Variants in ST6GAL2 observed in about 807,000 individuals in gnomAD.
ST6GAL2 encodes the protein beta-galactoside alpha-2,6-sialyltransferase 2.
A neutral mutation model predicts 37.5 loss-of-function variants in ST6GAL2; 24 were observed. That is an observed-to-expected ratio of 0.64 (90% confidence interval 0.46 to 0.90). The LOEUF is 0.90. Among genes scored for constraint, ST6GAL2 ranks in the 40% least tolerant of loss-of-function variants. The probability of loss-of-function intolerance (pLI) is 0.00; values close to 1 mark genes in which losing one functional copy is unlikely to be tolerated. For synonymous variants in ST6GAL2, 306 were observed against 295.1 expected, an observed-to-expected ratio of 1.04 and a Z score of -0.38; for missense variants, 715 against 712.7, an observed-to-expected ratio of 1.00 and a Z score of -0.04.
chr2:106,821,460 G>A (rs1676001455), intron 5 of ST6GAL2, among the ~76,000 whole-genome samples: 1 of 151,584 alleles, frequency 6.6e-6, no homozygotes, highest in Admixed American at 6.6e-5. Context: ...AATCTAGTAA[G>A]ATTGAGTTAT....
intron 1 of ST6GAL2, among the ~76,000 whole-genome samples, chr2:106,852,394 T>A (rs1042541265): frequency 1.3e-5 from 2 of 152,206 alleles, no homozygotes; most frequent in Non-Finnish European, 2.9e-5. Flanking sequence ...GCCGACCCAG[T>A]GACCTCGCTT....
intron 1 of ST6GAL2, among the ~76,000 whole-genome samples, chr2:106,848,114 G>T (rs572414037): frequency 6.8e-6 from 1 of 147,278 alleles, no homozygotes; most frequent in African/African-American, 2.5e-5. Flanking sequence ...GCACGATCTT[G>T]TCTCATGGCA....
In ST6GAL2 at chr2:106,830,144, T is replaced by C. The variant is rs139141184; in HGVS notation, c.1240A>G (p.Ile414Val). The change falls in exon 5 of 6, where the codon ATA becomes GTA. Residue 414 changes from isoleucine (I) to valine (V), a missense_variant. Ile to Val is a conservative substitution (Grantham distance 29). This residue lies in a region of ST6GAL2 where 198 missense variants were observed against 203.6 expected (regional missense o/e 0.97). Transcript: ENST00000409382. ...TGGATAATATCCCAGAGCTGCCATA[T>C]AAATTTAGGATGAAGAATGTAAAAT... ...QPFYILHPKF[I>V]WQLWDIIQEN... 7.9e-5 allele frequency: 127 copies of C among 1,614,044 alleles called. No individual in the cohort carries two copies. The African/African-American group carries it at 1.7e-3, about 21-fold the overall frequency.
chr2:106,867,279 T>C (rs1030764848), intron 1 of ST6GAL2, among the ~76,000 whole-genome samples: 3 of 152,200 alleles, frequency 2.0e-5, no homozygotes, highest in Non-Finnish European at 4.4e-5. Flanking sequence ...TTTGACCCCA[T>C]TTTATTCAGC....
chr2:106,826,341 C>T (rs931406956), intron 5 of ST6GAL2, among the ~76,000 whole-genome samples: 5 of 152,078 alleles, frequency 3.3e-5, no homozygotes, highest in African/African-American at 9.7e-5. Flanking sequence ...AGAGTTGGCA[C>T]TTCACATGTT....
At chr2:106,814,888 G>C (rs1264331572) in intron 5 of ST6GAL2, among the ~76,000 whole-genome samples, 1 of 152,168 alleles carries the variant, frequency 6.6e-6, no homozygotes, top group Non-Finnish European at 1.5e-5. Context: ...ATCTGACTAG[G>C]GATGAAAGAG....
intron 1 of ST6GAL2, among the ~76,000 whole-genome samples, chr2:106,863,443 G>A (rs754936709): frequency 6.6e-6 from 1 of 152,156 alleles, no homozygotes; most frequent in Non-Finnish European, 1.5e-5. Flanking sequence ...ACACTGTAAA[G>A]CGTGTAGAAT....
At chr2:106,837,377 C>A (rs1268251148) in intron 2 of ST6GAL2, among the ~76,000 whole-genome samples, 1 of 152,180 alleles carries the variant, frequency 6.6e-6, no homozygotes, top group East Asian at 1.9e-4. Context: ...CTGTCTCATG[C>A]ATCATTCATT....
At chr2:106,885,345 A>G (rs1678935261) in intron 1 of ST6GAL2, among the ~76,000 whole-genome samples, 1 of 152,178 alleles carries the variant, frequency 6.6e-6, no homozygotes. Flanking sequence ...CTTTCCCCCC[A>G]AAAGTGCTTC....
At chr2:106,836,997 G>A (rs1028988909) in intron 2 of ST6GAL2, among the ~76,000 whole-genome samples, 1 of 150,304 alleles carries the variant, frequency 6.7e-6, no homozygotes, top group Non-Finnish European at 1.5e-5. Context: ...TATCACCATG[G>A]AGTTCCCCAG....
intron 5 of ST6GAL2, among the ~76,000 whole-genome samples, chr2:106,810,990 A>G (rs1364001130): frequency 1.4e-5 from 2 of 147,346 alleles, no homozygotes; most frequent in Non-Finnish European, 3.0e-5. Context: ...AGTAATAATA[A>G]AACTGTGTAA....
At position 106,851,670 on chromosome 2, in the gene ST6GAL2, CTTT is replaced by C. The variant is rs5833214; in HGVS notation, c.-57-7639_-57-7637del. ...TCTTGACTGGAGAGTGTTTTTCTTT[CTTT>C]TTTTTTTTTTTTTCACATTTTGATT... is the stretch of plus-strand genomic sequence containing the variant. On this transcript the variant is annotated intron_variant, in intron 1 of 5. Transcript: ENST00000409382. Among the ~76,000 whole-genome samples the C allele has an allele frequency of 2.4e-4, 33 of 135,832 alleles. No individual in the cohort carries two copies. In the East Asian group the frequency reaches 3.1e-3, roughly 13 times the overall value. The allele number at this position is 135,832 out of a possible 152,430, so 89.1% of individuals were successfully genotyped here.
At position 106,802,911 on chromosome 2, in the gene ST6GAL2, A is replaced by C. The variant is rs1675305082; in HGVS notation, c.*3767T>G. The C allele has an allele frequency of 6.6e-6, 1 of 152,158 alleles. No individual in the cohort carries two copies. The highest frequency in any genetic ancestry group is 2.4e-5 in the African/African-American group (1 of 41,442). The allele number at this position is 152,158 out of a possible 1,614,324, so 9.4% of individuals were successfully genotyped here. On this transcript the variant is annotated 3_prime_UTR_variant, in exon 6 of 6. Coordinates refer to ENST00000409382, the MANE Select transcript of ST6GAL2 (RefSeq NM_001142351.2). ...GTACTGTGTGTTGATCTATAAGAAA[A>C]ACTGGAGAGAGAACTTGAATCATGG...
At chr2:106,885,278 G>A (rs1201225144) in intron 1 of ST6GAL2, among the ~76,000 whole-genome samples, 2 of 151,882 alleles carry the variant, frequency 1.3e-5, no homozygotes, top group African/African-American at 4.8e-5. Context: ...TTTGCCTCTC[G>A]CCAAATTTTT....
chr2:106,825,380 CCTGAATCCAGA>C (rs1676164016), intron 5 of ST6GAL2, among the ~76,000 whole-genome samples: 1 of 152,194 alleles, frequency 6.6e-6, no homozygotes, highest in African/African-American at 2.4e-5. Context: ...CATTATCCAG[CCTGAATCCAGA>C]CAGTTTCATT....
intron 5 of ST6GAL2, among the ~76,000 whole-genome samples, chr2:106,825,251 C>T (rs1676159067): frequency 6.6e-6 from 1 of 152,194 alleles, no homozygotes; most frequent in Admixed American, 6.5e-5. Context: ...TTTCTCAGAT[C>T]CCCCGTTCTC....
chr2:106,886,704 C>T (rs1483916346), upstream of ST6GAL2: 1 of 151,952 alleles, frequency 6.6e-6, no homozygotes, highest in African/African-American at 2.4e-5. Context: ...TCCGCGATCC[C>T]TTTCATCCTT....
intron 5 of ST6GAL2, among the ~76,000 whole-genome samples, chr2:106,814,542 G>T (rs1675727547): frequency 2.7e-5 from 4 of 148,728 alleles, no homozygotes; most frequent in Admixed American, 2.7e-4. Context: ...GCAATAAAAA[G>T]AATTGGCAAT....
At chr2:106,871,703 C>T (rs1678278527) in intron 1 of ST6GAL2, among the ~76,000 whole-genome samples, 1 of 152,238 alleles carries the variant, frequency 6.6e-6, no homozygotes, top group South Asian at 2.1e-4. Context: ...ATCAACATCA[C>T]TGTCTTCCAC....
Sources: allele counts gnomAD v4.1 joint callset (sites outside exome capture counted in the v4.1 genomes callset), GRCh38; gene constraint gnomAD v4.1.1; regional missense constraint gnomAD v4.1.1; transcripts MANE v1.5; gene names NCBI Gene and HGNC (gene_info 2026-07-23, HGNC 2026-07-21).